TLR6: variants seen among roughly 807,000 people sequenced by gnomAD.
TLR6 encodes toll-like receptor 6.
In TLR6, 9 loss-of-function variants were observed where a neutral mutation model predicts 16.1. The ratio of observed to expected loss-of-function variants is 0.56; its 90% confidence interval spans 0.34 to 0.98. TLR6 has a LOEUF of 0.98. TLR6 is among the 50% of genes least tolerant of loss of function. TLR6 has a pLI of 0.02. For synonymous variants in TLR6, 340 were observed against 338.6 expected, an observed-to-expected ratio of 1.00 and a Z score of -0.04; for missense variants, 786 against 921.0, an observed-to-expected ratio of 0.85 and a Z score of 1.90.
At chr4:38,867,996 C>G in the TLR6 span, 1 of 392,064 alleles carries the variant, frequency 2.6e-6, no homozygotes, top group Non-Finnish European at 5.1e-6. Flanking sequence ...AGGGAGGACC[C>G]GGCTCTGGGG....
At chr4:38,828,902 A>T in exon 2 of TLR6, 1 of 1,611,276 alleles carries the variant, frequency 6.2e-7, no homozygotes, top group Non-Finnish European at 8.5e-7. Context: ...CAGAATTTGT[A>T]GACTTTCTGT....
At chr4:38,839,046 A>G (rs1435722104) in intron 1 of TLR6, among the ~76,000 whole-genome samples, 2 of 136,652 alleles carry the variant, frequency 1.5e-5, no homozygotes, top group Non-Finnish European at 3.1e-5. Context: ...GAGAGAAAGA[A>G]AGAAAAAGAG....
chr4:38,833,200 G>C lies in TLR6; in HGVS notation c.-64-3663C>G, dbSNP rs114301387. Among the ~76,000 whole-genome samples the C allele has an allele frequency of 2.5e-3, 384 of 152,248 alleles. 1 individual carries two copies. Among genetic ancestry groups the C allele is most frequent in the African/African-American group, 7.3e-3 (302 of 41,558 alleles). ...GGCCCAAGAACCTGCCCTCCCACTT[G>C]GTCCATTACTGCCACTGCAAGCATC... On this transcript the variant is annotated intron_variant, in intron 1 of 1. Coordinates refer to ENST00000436693, the Ensembl canonical transcript of TLR6.
chr4:38,841,934 T>A (rs929689050), intron 1 of TLR6, among the ~76,000 whole-genome samples: 1 of 152,264 alleles, frequency 6.6e-6, no homozygotes, highest in Non-Finnish European at 1.5e-5. Context: ...TGTTTTCATA[T>A]GTTTCTCAAA....
At chr4:38,857,016 A>G (rs1355833835), upstream of TLR6, among the ~76,000 whole-genome samples, 2 of 152,222 alleles carry the variant, frequency 1.3e-5, no homozygotes, top group African/African-American at 2.4e-5. Context: ...TGAGGAAGCA[A>G]CTTACAAACA....
upstream of TLR6, among the ~76,000 whole-genome samples, chr4:38,858,857 AAG>A (rs1713121094): frequency 2.5e-5 from 3 of 119,670 alleles, no homozygotes; most frequent in African/African-American, 6.6e-5. Flanking sequence ...GAAAGAAAGA[AAG>A]AAAGAAAGAA....
At chr4:38,829,592 C>T (rs1457134046) in intron 1 of TLR6, 55 bp from the exon 2 acceptor site, 2 of 631,916 alleles carry the variant, frequency 3.2e-6, no homozygotes, top group East Asian at 2.7e-5. Context: ...ACTCTCAAAC[C>T]TCCACTTACT....
At chr4:38,828,837 C>T (rs1327943776) in exon 2 of TLR6, 1 of 1,613,896 alleles carries the variant, frequency 6.2e-7, no homozygotes, top group African/African-American at 1.3e-5. Flanking sequence ...GATATGTTCA[C>T]TTGGATAGCG....
chr4:38,831,263 A>G (rs772400928), intron 1 of TLR6, among the ~76,000 whole-genome samples: 19 of 150,270 alleles, frequency 1.3e-4, no homozygotes, highest in Non-Finnish European at 2.5e-4. Context: ...TTTTCAACAA[A>G]TGGTGCTGGA....
At chr4:38,853,177 C>T in intron 1 of TLR6, among the ~76,000 whole-genome samples, 1 of 137,040 alleles carries the variant, frequency 7.3e-6, no homozygotes, top group African/African-American at 2.8e-5. Flanking sequence ...GGGAAATGAA[C>T]AATGAGAACT....
chr4:38,824,113 A>G (rs1336416100), exon 2 of TLR6: 2 of 145,756 alleles, frequency 1.4e-5, no homozygotes, highest in Non-Finnish European at 3.0e-5. Context: ...GGCTTTTTAG[A>G]TAAAATCCAG....
chr4:38,853,663 G>T (rs1042430395), intron 1 of TLR6, among the ~76,000 whole-genome samples: 4 of 152,116 alleles, frequency 2.6e-5, no homozygotes, highest in African/African-American at 9.7e-5. Context: ...TGCCCAGGCT[G>T]GAGTGCAGTG....
exon 2 of TLR6, chr4:38,824,878 C>T (rs1158280995): frequency 6.6e-6 from 1 of 152,268 alleles, no homozygotes; most frequent in Non-Finnish European, 1.5e-5. Context: ...CTCACTACAG[C>T]CTCTGTCTCC....
exon 2 of TLR6, chr4:38,826,996 G>A: frequency 1.9e-6 from 2 of 1,058,170 alleles, no homozygotes; most frequent in Non-Finnish European, 2.7e-6. Flanking sequence ...GGATAATGGA[G>A]GCACCTCCAG....
At chr4:38,827,523 G>A in exon 2 of TLR6, 2 of 1,614,186 alleles carry the variant, frequency 1.2e-6, no homozygotes, top group Non-Finnish European at 1.7e-6. Flanking sequence ...GCAGAATCAT[G>A]TTCACTATAT....
the TLR6 span, among the ~76,000 whole-genome samples, chr4:38,865,763 A>G: frequency 6.6e-6 from 1 of 152,238 alleles, no homozygotes; most frequent in Non-Finnish European, 1.5e-5. Context: ...GTCTCGCTCA[A>G]TTCAAAAAGG....
At chr4:38,845,454 G>A (rs1298687145) in intron 1 of TLR6, among the ~76,000 whole-genome samples, 1 of 152,212 alleles carries the variant, frequency 6.6e-6, no homozygotes, top group Admixed American at 6.5e-5. Context: ...AATTACTTGG[G>A]TGGCCCCAGT....
At chr4:38,836,750 C>T (rs1711942892) in intron 1 of TLR6, among the ~76,000 whole-genome samples, 1 of 151,898 alleles carries the variant, frequency 6.6e-6, no homozygotes, top group South Asian at 2.1e-4. Flanking sequence ...ACAAGCCTGG[C>T]CAACATGGTG....
intron 1 of TLR6, among the ~76,000 whole-genome samples, chr4:38,842,720 G>A (rs73811214): frequency 0.032 from 4,827 of 152,268 alleles, 223 homozygotes; most frequent in African/African-American, 0.089. Context: ...CATCCTGGCC[G>A]CCTGTCCTCA....
Sources: gnomAD v4.1 joint callset for allele counts (sites outside exome capture counted in the v4.1 genomes callset) on GRCh38, gnomAD v4.1.1 for gene constraint, MANE v1.5 for transcripts, NCBI Gene and HGNC (gene_info 2026-07-23, HGNC 2026-07-21) for gene names.